MFHAS1: variants seen among roughly 807,000 people sequenced by gnomAD.
The protein encoded by MFHAS1 is malignant fibrous histiocytoma-amplified sequence 1.
A neutral mutation model predicts 70.4 loss-of-function variants in MFHAS1; 50 were observed. That is an observed-to-expected ratio of 0.71 (90% confidence interval 0.57 to 0.90). The LOEUF (loss-of-function observed/expected upper bound fraction) is 0.90, where lower values mean the gene tolerates loss of function less well. Among genes scored for constraint, MFHAS1 ranks in the 40% least tolerant of loss-of-function variants. The pLI is 0.00. For missense variants in MFHAS1, 1,795 were observed against 1,347.6 expected, an observed-to-expected ratio of 1.33 and a Z score of -5.20; for synonymous variants, 952 against 620.0, an observed-to-expected ratio of 1.54 and a Z score of -7.96.
At chr8:8,835,823 C>T (rs1017040784) in intron 1 of MFHAS1, among the ~76,000 whole-genome samples, 3 of 152,170 alleles carry the variant, frequency 2.0e-5, no homozygotes, top group Non-Finnish European at 4.4e-5. Context: ...TTATTTAGAA[C>T]AAAAGTTGGC....
chr8:8,844,474 A>G (rs940684080), intron 1 of MFHAS1, among the ~76,000 whole-genome samples: 3 of 152,242 alleles, frequency 2.0e-5, no homozygotes, highest in African/African-American at 7.2e-5. Flanking sequence ...CACACCTGTC[A>G]TTGTTTAAAG....
chr8:8,865,015 C>T (rs1042531715), intron 1 of MFHAS1, among the ~76,000 whole-genome samples: 2 of 152,214 alleles, frequency 1.3e-5, no homozygotes, highest in East Asian at 1.9e-4. Flanking sequence ...GTGGCTCATG[C>T]CGGTAATCCC....
In MFHAS1 at chr8:8,893,089, G is replaced by C; in HGVS notation, c.-31C>G. ...GGCCCCGGGCCGACAGCCTCACGCG[G>C]ACGCGGGAGCCCGCAGCTACATGCC... is the stretch of plus-strand genomic sequence containing the variant. On this transcript the variant is annotated 5_prime_UTR_variant, in exon 1 of 3. Coordinates refer to ENST00000276282, the MANE Select transcript of MFHAS1 (RefSeq NM_004225.3). 2.1e-6 allele frequency: 3 copies of C among 1,419,380 alleles called. No individual in the cohort carries two copies. The highest frequency in any genetic ancestry group is 2.8e-6 in the Non-Finnish European group (3 of 1,088,770). The allele number at this position is 1,419,380 out of a possible 1,614,324, so 87.9% of individuals were successfully genotyped here. A position where few individuals can be genotyped will look rare whatever the true frequency, so the allele number is the denominator to read the frequency against.
intron 1 of MFHAS1, among the ~76,000 whole-genome samples, chr8:8,814,849 CTT>C (rs34438669): frequency 0.65 from 84,992 of 130,328 alleles, 26,953 homozygotes; most frequent in East Asian, 0.77. Flanking sequence ...GCTAGAATTT[CTT>C]TTTTTTTTTT....
At chr8:8,865,034 A>T (rs543846118) in intron 1 of MFHAS1, among the ~76,000 whole-genome samples, 11 of 152,162 alleles carry the variant, frequency 7.2e-5, no homozygotes, top group Non-Finnish European at 1.2e-4. Context: ...CCAGCACTTG[A>T]GGAGGGCAAG....
Position 8,891,217 on chromosome 8 carries a change from G to C in MFHAS1, c.1842C>G (p.Leu614=), listed in dbSNP as rs1485051907. 2 of 1,612,686 alleles carry C rather than the reference G, an allele frequency of 1.2e-6. No individual in the cohort carries two copies. The highest frequency in any genetic ancestry group is 1.1e-5 in the South Asian group (1 of 91,090). The change falls in exon 1 of 3, where the codon CTC becomes CTG. Residue 614 remains leucine (L), a synonymous_variant. Coordinates refer to ENST00000276282, the MANE Select transcript of MFHAS1 (RefSeq NM_004225.3). This position sits in a 1 kb window ranked among gnomAD's most constrained non-coding sequence, Gnocchi z 5.4. The stretch of plus-strand genomic sequence containing the variant: ...GGGAGAGGATCTGCAGCCGGTGGTT[G>C]AGCAGGTATTGAAAATGGGCCTTGC... ...RRRKAHFQYL[L]NHRLQILSPV... is the part of the protein sequence containing the mutation.
At chr8:8,804,813 G>A (rs1324095626) in intron 1 of MFHAS1, among the ~76,000 whole-genome samples, 1 of 152,236 alleles carries the variant, frequency 6.6e-6, no homozygotes, top group African/African-American at 2.4e-5. Context: ...CGGATGACGG[G>A]CGCCTTTCAG....
intron 1 of MFHAS1, among the ~76,000 whole-genome samples, chr8:8,861,875 C>A (rs1674973495): frequency 6.6e-6 from 1 of 152,180 alleles, no homozygotes; most frequent in African/African-American, 2.4e-5. Context: ...GAGAGTCATC[C>A]ATGTCGCTTT....
chr8:8,843,576 G>A (rs189279395), intron 1 of MFHAS1, among the ~76,000 whole-genome samples: 21 of 152,276 alleles, frequency 1.4e-4, no homozygotes, highest in African/African-American at 4.3e-4. Flanking sequence ...GTGGGACTCC[G>A]TTTCAAAAAT....
chr8:8,793,188 T>A (rs10103169), intron 2 of MFHAS1, among the ~76,000 whole-genome samples: 47,138 of 150,962 alleles, frequency 0.31, 8,281 homozygotes, highest in African/African-American at 0.47. Flanking sequence ...AAAAAAAAAA[T>A]ATCACTACCT....
rs138424600 is a variant in MFHAS1, at chr8:8,817,248, C to T, written c.2999-19757G>A. On this transcript the variant is annotated intron_variant, in intron 1 of 2. Coordinates refer to ENST00000276282, the MANE Select transcript of MFHAS1 (RefSeq NM_004225.3). ...CTCTGTCAGCTATGAGAAAATTTAC[C>T]CTGGCTTCTATGAAAGGAAAAAAAA... Among the ~76,000 whole-genome samples the T allele has an allele frequency of 4.2e-3, 631 of 152,040 alleles. 4 individuals are homozygous for T. Among genetic ancestry groups the T allele is most frequent in the African/African-American group, 0.014 (595 of 41,446 alleles).
chr8:8,880,511 C>G (rs1244139150), intron 1 of MFHAS1, among the ~76,000 whole-genome samples: 2 of 152,168 alleles, frequency 1.3e-5, no homozygotes, highest in Non-Finnish European at 2.9e-5. Context: ...GGCAGAATGG[C>G]ACACGCACAA....
chr8:8,838,801 G>C, intron 1 of MFHAS1, among the ~76,000 whole-genome samples: 1 of 131,150 alleles, frequency 7.6e-6, no homozygotes, highest in East Asian at 2.6e-4. Flanking sequence ...AACAGGGCGA[G>C]ACCCTGCCTC....
intron 2 of MFHAS1, among the ~76,000 whole-genome samples, chr8:8,795,761 G>C (rs1805870887): frequency 6.6e-6 from 1 of 152,218 alleles, no homozygotes; most frequent in Non-Finnish European, 1.5e-5. Context: ...ATGGATGCCT[G>C]TCACACTGCC....
intron 1 of MFHAS1, among the ~76,000 whole-genome samples, chr8:8,888,655 C>T (rs1289654393): frequency 1.3e-5 from 2 of 151,990 alleles, no homozygotes; most frequent in Non-Finnish European, 2.9e-5. Context: ...ATAAGTAAAA[C>T]GCAAAACTTA....
chr8:8,846,302 G>C (rs1222500052), intron 1 of MFHAS1, among the ~76,000 whole-genome samples: 4 of 118,692 alleles, frequency 3.4e-5, no homozygotes, highest in Non-Finnish European at 6.8e-5. Context: ...AGGATAAGAA[G>C]GAGGAGGGGA....
intron 1 of MFHAS1, among the ~76,000 whole-genome samples, chr8:8,800,684 T>C (rs575101284): frequency 1.3e-4 from 20 of 152,186 alleles, no homozygotes; most frequent in Non-Finnish European, 5.9e-5. Flanking sequence ...TGTCCTAAAA[T>C]CATCCCCAGG....
intron 1 of MFHAS1, among the ~76,000 whole-genome samples, chr8:8,826,019 G>A (rs1050442331): frequency 1.3e-5 from 2 of 152,172 alleles, no homozygotes; most frequent in African/African-American, 4.8e-5. Context: ...TGGTTGGACA[G>A]CTGTACCCAA....
intron 1 of MFHAS1, among the ~76,000 whole-genome samples, chr8:8,814,100 G>A (rs1431472099): frequency 6.6e-6 from 1 of 152,012 alleles, no homozygotes; most frequent in African/African-American, 2.4e-5. Flanking sequence ...ACCACGCCCA[G>A]CTAATTTTTG....
Sources: gnomAD v4.1 joint callset for allele counts (sites outside exome capture counted in the v4.1 genomes callset) on GRCh38, gnomAD v4.1.1 for gene constraint, Gnocchi (gnomAD v3.1) non-coding constraint, MANE v1.5 for transcripts, NCBI Gene and HGNC (gene_info 2026-07-23, HGNC 2026-07-21) for gene names.